COL25A1: variants seen among roughly 807,000 people sequenced by gnomAD.
The protein encoded by COL25A1 is collagen alpha-1(XXV) chain.
A neutral mutation model predicts 128.4 loss-of-function variants in COL25A1; 103 were observed. The observed-to-expected ratio is 0.80, with a 90% CI of 0.68 to 0.94. The LOEUF is 0.94. Ranked by LOEUF, COL25A1 falls within the 40% of genes least tolerant of loss-of-function variation. The pLI is 0.00. For missense variants in COL25A1, 745 were observed against 840.0 expected (o/e 0.89, Z 1.40); for synonymous variants, 279 against 277.2 (o/e 1.01, Z -0.06).
At chr4:109,300,091 A>G (rs750089804) in intron 3 of COL25A1, among the ~76,000 whole-genome samples, 8 of 151,152 alleles carry the variant, frequency 5.3e-5, no homozygotes, top group Non-Finnish European at 1.0e-4. Context: ...AGGATAGGAG[A>G]TGGAATCTTT....
chr4:108,827,990 G>C (rs1336260666), intron 32 of COL25A1, among the ~76,000 whole-genome samples: 1 of 152,032 alleles, frequency 6.6e-6, no homozygotes, highest in African/African-American at 2.4e-5. Context: ...TACACAGGAG[G>C]GTTCTGGGGC....
chr4:108,913,193 TC>T (rs1462437062), intron 13 of COL25A1, among the ~76,000 whole-genome samples: 1 of 149,104 alleles, frequency 6.7e-6, no homozygotes, highest in Non-Finnish European at 1.5e-5. Flanking sequence ...TTTATAGTAA[TC>T]AAGAGACAAG....
rs1057380098 is a variant in COL25A1 at position 109,302,120 on chromosome 4, G to T, written c.-56-45C>A. 4.3e-6 allele frequency: 6 copies of T among 1,400,754 alleles called. No homozygotes were observed. In the African/African-American group the frequency reaches 8.7e-5, roughly 20 times the overall value. 86.8% of individuals were successfully genotyped at this position (1,400,754 alleles called of 1,614,324 possible). On this transcript the variant is annotated intron_variant, in intron 1 of 37. Transcript: ENST00000399132. Reference sequence around the variant, plus strand: ...TCGATTCCTCCAAAGTTCAGTCCCTGTGGCTGCACAACTAGTTGGTGGAGT... The same window carrying T: ...TCGATTCCTCCAAAGTTCAGTCCCTTTGGCTGCACAACTAGTTGGTGGAGT...
intron 3 of COL25A1, among the ~76,000 whole-genome samples, chr4:109,249,925 G>C (rs995030857): frequency 5.9e-5 from 9 of 152,112 alleles, no homozygotes; most frequent in African/African-American, 1.2e-4. Context: ...AATTTAATGA[G>C]AGAAATCTTA....
At chr4:109,131,553 C>T (rs765785889) in intron 3 of COL25A1, among the ~76,000 whole-genome samples, 6 of 152,162 alleles carry the variant, frequency 3.9e-5, no homozygotes, top group Middle Eastern at 3.2e-3. Flanking sequence ...AAGGAAAATA[C>T]GGTGAGGGGG....
At chr4:108,832,513 G>A (rs1051732112) in intron 31 of COL25A1, 80 bp from the exon 32 acceptor site, 29 of 886,266 alleles carry the variant, frequency 3.3e-5, no homozygotes, top group Non-Finnish European at 4.8e-5. Context: ...TTTCCTAGGT[G>A]AATGGTGCCT....
At chr4:109,053,754 G>T (rs184248302) in intron 3 of COL25A1, among the ~76,000 whole-genome samples, 11 of 152,208 alleles carry the variant, frequency 7.2e-5, no homozygotes, top group African/African-American at 2.6e-4. Context: ...TTTTATAAAC[G>T]TTTGCAATAA....
intron 3 of COL25A1, among the ~76,000 whole-genome samples, chr4:109,053,046 T>C (rs1433429969): frequency 6.6e-6 from 1 of 151,564 alleles, no homozygotes; most frequent in Non-Finnish European, 1.5e-5. Flanking sequence ...TTCAAGAAAA[T>C]GAATGGGAAG....
At chr4:109,229,653 A>G (rs1294086462) in intron 3 of COL25A1, among the ~76,000 whole-genome samples, 2 of 152,226 alleles carry the variant, frequency 1.3e-5, no homozygotes, top group Non-Finnish European at 1.5e-5. Flanking sequence ...GTGGCACTAA[A>G]TAAATTCTGA....
At chr4:109,271,448 T>G (rs2126265250) in intron 3 of COL25A1, among the ~76,000 whole-genome samples, 1 of 152,338 alleles carries the variant, frequency 6.6e-6, no homozygotes, top group Admixed American at 6.5e-5. Context: ...GTAAAATAAA[T>G]TAGGTGAATA....
rs370056734 is a variant in COL25A1, at chr4:108,973,545, A to G, written c.492+822T>C. ...CAGTGAATTTTACAGAAAGACCTAC[A>G]TAGTTTCTTTTTTCAACCTGAAAGT... On this transcript the variant is annotated intron_variant, in intron 8 of 37. Transcript: ENST00000399132. Among the ~76,000 whole-genome samples, 41 of 152,094 alleles carry G rather than the reference A, an allele frequency of 2.7e-4. No homozygotes were observed. In the East Asian group the frequency reaches 6.9e-3, roughly 26 times the overall value.
chr4:109,096,685 A>G (rs998453448), intron 3 of COL25A1, among the ~76,000 whole-genome samples: 8 of 152,236 alleles, frequency 5.3e-5, no homozygotes, highest in Admixed American at 4.6e-4. Context: ...GCCACTTGTC[A>G]AAGTGTTAGC....
At chr4:108,819,955 A>G (rs1469946173) in intron 35 of COL25A1, 1 of 846,706 alleles carries the variant, frequency 1.2e-6, no homozygotes. Flanking sequence ...AAATAACGGT[A>G]ATTCAAAAGA....
intron 8 of COL25A1, among the ~76,000 whole-genome samples, chr4:108,966,270 G>A (rs1751286174): frequency 1.3e-5 from 2 of 152,064 alleles, no homozygotes; most frequent in Non-Finnish European, 2.9e-5. Context: ...TATGTTTTCT[G>A]TTGGGTTGAC....
At chr4:108,942,590 T>C (rs1748249969) in intron 8 of COL25A1, among the ~76,000 whole-genome samples, 1 of 151,862 alleles carries the variant, frequency 6.6e-6, no homozygotes, top group Non-Finnish European at 1.5e-5. Context: ...ATTACAGCCA[T>C]GTGCCACCAC....
At chr4:108,888,007 T>C (rs1031390817) in intron 18 of COL25A1, among the ~76,000 whole-genome samples, 4 of 152,170 alleles carry the variant, frequency 2.6e-5, no homozygotes, top group African/African-American at 9.6e-5. Flanking sequence ...ATTTCTTAAA[T>C]AGAGAATTGA....
intron 6 of COL25A1, among the ~76,000 whole-genome samples, chr4:109,001,957 G>T (rs1755457848): frequency 6.6e-6 from 1 of 152,116 alleles, no homozygotes; most frequent in African/African-American, 2.4e-5. Context: ...GATATGAAAA[G>T]GTGCTCCACA....
chr4:108,979,157 A>T (rs1480109896), intron 6 of COL25A1, among the ~76,000 whole-genome samples: 1 of 152,212 alleles, frequency 6.6e-6, no homozygotes, highest in Non-Finnish European at 1.5e-5. Flanking sequence ...ACGGCTTTAC[A>T]TTCAGAGTTT....
chr4:108,829,488 A>T (rs1406252328), intron 32 of COL25A1, among the ~76,000 whole-genome samples: 1 of 151,668 alleles, frequency 6.6e-6, no homozygotes, highest in Non-Finnish European at 1.5e-5. Flanking sequence ...GTGTAGTGGG[A>T]GGTGAGAGTT....
Sources: allele counts gnomAD v4.1 joint callset (sites outside exome capture counted in the v4.1 genomes callset), GRCh38; gene constraint gnomAD v4.1.1; transcripts MANE v1.5; gene names NCBI Gene and HGNC (gene_info 2026-07-23, HGNC 2026-07-21).